The following NMBR variants were observed in gnomAD, a reference collection of about 807,000 sequenced individuals.
NMBR encodes neuromedin B receptor.
A neutral mutation model predicts 20.5 loss-of-function variants in NMBR; 16 were observed. The ratio of observed to expected loss-of-function variants is 0.78; its 90% CI spans 0.53 to 1.19. The LOEUF (loss-of-function observed/expected upper bound fraction) is 1.19. Among genes scored for constraint, NMBR ranks in the 50% most tolerant of loss-of-function variants. The probability of loss-of-function intolerance (pLI) is 0.00; values close to 1 mark genes in which losing one functional copy is unlikely to be tolerated. For missense variants in NMBR, 582 were observed against 499.1 expected (o/e 1.17, Z -1.58); for synonymous variants, 212 against 196.6 (o/e 1.08, Z -0.65).
rs1471641220 is a variant in NMBR, at chr6:142,088,399, G to A, written c.260C>T (p.Ala87Val). 2 of 1,613,976 alleles carry A rather than the reference G, an allele frequency of 1.2e-6. No individual in the cohort carries two copies. Among genetic ancestry groups the A allele is most frequent in the Non-Finnish European group, 1.7e-6 (2 of 1,180,022 alleles). ...GGTGAGCAGCAGCAGCAAGTCCCCG[G>A]CCGCCAGGTTAGAGATGAAGATGTT... ...VPNIFISNLA[A>V]GDLLLLLTCV... Residue 87 changes from alanine to valine, a missense_variant, in exon 2 of 4, where the codon GCC (alanine) becomes GTC (valine). Ala to Val is a moderately conservative substitution (Grantham distance 64). Coordinates refer to ENST00000258042, the MANE Select transcript of NMBR (RefSeq NM_002511.4).
intron 1 of NMBR, among the ~76,000 whole-genome samples, chr6:142,141,094 T>C (rs995198053): frequency 2.0e-5 from 3 of 152,250 alleles, no homozygotes; most frequent in African/African-American, 4.8e-5. Flanking sequence ...TTGATATTTA[T>C]AGAATACTCC....
At chr6:142,123,321 T>A (rs181001151) in intron 1 of NMBR, among the ~76,000 whole-genome samples, 2 of 152,022 alleles carry the variant, frequency 1.3e-5, no homozygotes, top group African/African-American at 4.8e-5. Context: ...AACCAGGAGT[T>A]GCTTCTTATG....
intron 1 of NMBR, among the ~76,000 whole-genome samples, chr6:142,093,140 T>A (rs902531298): frequency 6.6e-6 from 1 of 151,978 alleles, no homozygotes; most frequent in Non-Finnish European, 1.5e-5. Flanking sequence ...GAACAAAACT[T>A]AAGAATTTTT....
At chr6:142,105,605 AT>A (rs1284800034) in intron 1 of NMBR, among the ~76,000 whole-genome samples, 2 of 152,108 alleles carry the variant, frequency 1.3e-5, no homozygotes, top group African/African-American at 4.8e-5. Flanking sequence ...ACATGCACAC[AT>A]TTTTATGCCT....
chr6:142,088,621 G>A lies in NMBR; in HGVS notation c.38C>T (p.Thr13Ile). The A allele has an allele frequency of 3.7e-6, 6 of 1,607,322 alleles. No homozygotes were observed. The highest frequency in any genetic ancestry group is 1.1e-5 in the South Asian group (1 of 91,044). The change falls in exon 2 of 4, where the codon ACC becomes ATC. Residue 13 changes from threonine to isoleucine, a missense_variant. By Grantham distance (89) the Thr-to-Ile change is moderately conservative. Coordinates refer to ENST00000258042, the MANE Select transcript of NMBR (RefSeq NM_002511.4). ...SKSLSNLSVT[T>I]GANESGSVPE... ...AACGGAACCGCTCTCATTCGCGCCG[G>A]TGGTCACCGAGAGGTTGGAAAGAGA...
At chr6:142,099,454 G>A (rs1165351881) in intron 1 of NMBR, among the ~76,000 whole-genome samples, 1 of 152,120 alleles carries the variant, frequency 6.6e-6, no homozygotes, top group Non-Finnish European at 1.5e-5. Context: ...TGAAGGGGAA[G>A]TGCCACACAC....
intron 1 of NMBR, among the ~76,000 whole-genome samples, chr6:142,128,600 G>C (rs1198009020): frequency 6.6e-6 from 1 of 152,012 alleles, no homozygotes; most frequent in East Asian, 1.9e-4. Context: ...TTTGTCAAAT[G>C]ATCTTTCTGC....
At chr6:142,119,624 C>T (rs1415916303) in intron 1 of NMBR, among the ~76,000 whole-genome samples, 1 of 151,920 alleles carries the variant, frequency 6.6e-6, no homozygotes, top group Non-Finnish European at 1.5e-5. Context: ...AGATACTATG[C>T]TAAATACTTT....
intron 1 of NMBR, among the ~76,000 whole-genome samples, chr6:142,092,855 C>T (rs542687633): frequency 3.9e-5 from 6 of 152,108 alleles, no homozygotes; most frequent in Non-Finnish European, 7.4e-5. Flanking sequence ...CAGCTAAATA[C>T]GTGTTTCTAT....
chr6:142,093,913 G>C (rs1389707927), intron 1 of NMBR, among the ~76,000 whole-genome samples: 2 of 151,654 alleles, frequency 1.3e-5, no homozygotes, highest in African/African-American at 4.9e-5. Flanking sequence ...GTGATGGTGA[G>C]CATTTTTTCA....
chr6:142,075,167 T>C lies in NMBR; in HGVS notation c.*481A>G, dbSNP rs1436743034. 6.6e-6 allele frequency among the ~76,000 whole-genome samples: 1 copy of C among 151,878 alleles called. No homozygotes were observed. The highest frequency in any genetic ancestry group is 6.6e-5 in the Admixed American group (1 of 15,224). On this transcript the variant is annotated 3_prime_UTR_variant, in exon 4 of 4. Coordinates refer to ENST00000258042, the MANE Select transcript of NMBR (RefSeq NM_002511.4). ...AATTGAATGAAATTCACCAGGACAA[T>C]CTGACTTGTATTTCAAATAATAGGA...
intron 1 of NMBR, among the ~76,000 whole-genome samples, chr6:142,140,502 C>A (rs568817778): frequency 8.6e-5 from 13 of 151,932 alleles, no homozygotes; most frequent in Admixed American, 7.9e-4. Flanking sequence ...AAAAAGAGAA[C>A]AAAAGCAGGT....
rs902869262 is a variant in NMBR, at chr6:142,075,302, C to G, written c.*346G>C. On this transcript the variant is annotated 3_prime_UTR_variant, in exon 4 of 4. Transcript: ENST00000258042. ...ATGCTAGAACTGGCTTTAGCAACAG[C>G]CTAAATACTAAAGCAATGTTAAATT... 1.3e-5 allele frequency among the ~76,000 whole-genome samples: 2 copies of G among 151,918 alleles called. No homozygotes were observed. The highest frequency in any genetic ancestry group is 4.8e-5 in the African/African-American group (2 of 41,358).
chr6:142,096,594 A>G (rs1280902790), intron 1 of NMBR, among the ~76,000 whole-genome samples: 1 of 151,910 alleles, frequency 6.6e-6, no homozygotes, highest in South Asian at 2.1e-4. Flanking sequence ...ACTTCCAACT[A>G]TGTGGTCAAT....
At chr6:142,087,767 C>T (rs1393652572) in intron 2 of NMBR, among the ~76,000 whole-genome samples, 4 of 152,080 alleles carry the variant, frequency 2.6e-5, no homozygotes, top group African/African-American at 9.7e-5. Flanking sequence ...AGTAAGTTCT[C>T]CTCTTACTTG....
At chr6:142,100,815 A>G (rs192358456) in intron 1 of NMBR, among the ~76,000 whole-genome samples, 15 of 152,344 alleles carry the variant, frequency 9.8e-5, no homozygotes, top group Middle Eastern at 3.4e-3. Flanking sequence ...TATAGGAGAC[A>G]TAACTATACT....
intron 1 of NMBR, among the ~76,000 whole-genome samples, chr6:142,097,396 A>G (rs1777475729): frequency 1.3e-5 from 2 of 151,828 alleles, no homozygotes; most frequent in South Asian, 2.1e-4. Context: ...TATCTGGTCT[A>G]CATCTCAGTA....
chr6:142,091,634 A>G (rs2114570150), intron 1 of NMBR, among the ~76,000 whole-genome samples: 1 of 152,266 alleles, frequency 6.6e-6, no homozygotes, highest in South Asian at 2.1e-4. Flanking sequence ...GAGTCTTAAC[A>G]TGATTCACAG....
intron 1 of NMBR, among the ~76,000 whole-genome samples, chr6:142,142,441 A>T (rs1327557145): frequency 1.3e-5 from 2 of 152,184 alleles, no homozygotes; most frequent in Non-Finnish European, 2.9e-5. Context: ...TTACCCCGGG[A>T]ATGAAAAGTT....
Sources: allele counts gnomAD v4.1 joint callset (sites outside exome capture counted in the v4.1 genomes callset), GRCh38; gene constraint gnomAD v4.1.1; transcripts MANE v1.5; gene names NCBI Gene and HGNC (gene_info 2026-07-23, HGNC 2026-07-21).